The following LPP variants were observed in gnomAD, a reference collection of about 807,000 sequenced individuals.
LPP encodes the protein lipoma-preferred partner.
A neutral mutation model predicts 60.4 loss-of-function variants in LPP; 38 were observed. The ratio of observed to expected loss-of-function variants is 0.63; its 90% confidence interval spans 0.49 to 0.83. The LOEUF is 0.83. Among genes scored for constraint, LPP ranks in the 40% least tolerant of loss-of-function variants. The pLI is 0.00. For missense variants in LPP, 902 were observed against 783.6 expected (o/e 1.15, Z -1.80); for synonymous variants, 328 against 290.8 (o/e 1.13, Z -1.30).
intron 1 of LPP, among the ~76,000 whole-genome samples, chr3:188,165,789 G>C (rs1450697570): frequency 6.6e-6 from 1 of 152,166 alleles, no homozygotes; most frequent in Non-Finnish European, 1.5e-5. Context: ...AGATAGAATA[G>C]AAGTCACAGA....
intron 9 of LPP, among the ~76,000 whole-genome samples, chr3:188,839,337 T>C (rs1400020966): frequency 6.6e-6 from 1 of 152,200 alleles, no homozygotes; most frequent in Non-Finnish European, 1.5e-5. Flanking sequence ...TCTAGGTAGA[T>C]TTCAAGGCCC....
chr3:188,164,914 G>T (rs992672535), intron 1 of LPP, among the ~76,000 whole-genome samples: 1 of 152,030 alleles, frequency 6.6e-6, no homozygotes, highest in African/African-American at 2.4e-5. Flanking sequence ...CGTGAATGCA[G>T]TGTGGTCTCT....
chr3:188,302,776 A>C (rs1274005660), intron 2 of LPP, among the ~76,000 whole-genome samples: 2 of 152,344 alleles, frequency 1.3e-5, no homozygotes, highest in East Asian at 3.9e-4. Context: ...TTATCATCAC[A>C]AACAAGCCTG....
Position 188,484,638 on chromosome 3 carries a change from C to T in LPP, c.240C>T (p.Ala80=), listed in dbSNP as rs763431227. 2.5e-6 allele frequency: 4 copies of T among 1,613,936 alleles called. No homozygotes were observed. Among genetic ancestry groups the T allele is most frequent in the Admixed American group, 3.3e-5 (2 of 59,996 alleles). The change falls in exon 5 of 12, where the codon GCC becomes GCT. Residue 80 remains alanine, a synonymous_variant. Transcript: ENST00000617246. ...CTCCACCTCTAGATGATTCCAGTGC[C>T]CTTCCATCTATCTCTGGAAACTTTC... The part of the protein sequence containing the change: ...PPPPPLDDSS[A]LPSISGNFPP...
intron 1 of LPP, among the ~76,000 whole-genome samples, chr3:188,162,753 T>C (rs1026541663): frequency 2.6e-5 from 4 of 152,214 alleles, no homozygotes; most frequent in African/African-American, 7.2e-5. Context: ...TTGTCAGTGG[T>C]AATGCAGTCT....
At chr3:188,526,814 C>CA (rs1299662907) in intron 6 of LPP, among the ~76,000 whole-genome samples, 4 of 151,716 alleles carry the variant, frequency 2.6e-5, no homozygotes, top group Admixed American at 6.6e-5. Flanking sequence ...ACCGATGAGG[C>CA]AAAAAAGGTG....
chr3:188,615,773 A>G (rs962057358), intron 7 of LPP, among the ~76,000 whole-genome samples: 2 of 152,206 alleles, frequency 1.3e-5, no homozygotes, highest in Non-Finnish European at 2.9e-5. Context: ...AATAATAGCC[A>G]TTCTGACTGG....
intron 8 of LPP, among the ~76,000 whole-genome samples, chr3:188,749,781 A>G (rs1019167353): frequency 2.7e-4 from 41 of 152,186 alleles, no homozygotes; most frequent in African/African-American, 9.6e-4. Flanking sequence ...CTGCAAATTT[A>G]TTTTCAGTCT....
intron 2 of LPP, among the ~76,000 whole-genome samples, chr3:188,273,085 C>T (rs1005736698): frequency 5.9e-4 from 90 of 152,154 alleles, no homozygotes; most frequent in African/African-American, 2.1e-3. Context: ...GTCGTGTTTT[C>T]TGCCTTTCCA....
chr3:188,804,592 A>C (rs1748505660), intron 9 of LPP, among the ~76,000 whole-genome samples: 1 of 151,896 alleles, frequency 6.6e-6, no homozygotes, highest in Non-Finnish European at 1.5e-5. Flanking sequence ...AGAAATCTGC[A>C]CTTGTACCCC....
rs149544980 is a variant in LPP at position 188,610,979 on chromosome 3, C to T, written c.1113+1135C>T. Among the ~76,000 whole-genome samples the T allele has an allele frequency of 6.9e-3, 1,055 of 152,276 alleles. 5 individuals carry two copies. Among genetic ancestry groups the T allele is most frequent in the South Asian group, 0.014 (70 of 4,828 alleles). On this transcript the variant is annotated intron_variant, in intron 7 of 11. Coordinates refer to ENST00000617246, the MANE Select transcript of LPP (RefSeq NM_001375462.1). The surrounding 1 kb of genome is among the most constrained non-coding windows in gnomAD (Gnocchi z 4.4). ...TGGACTGTATTTTTAAAAATTCTTT[C>T]CACATTTTTACAAGATTGTCCATTT... is the stretch of plus-strand genomic sequence containing the variant.
chr3:188,534,626 A>G (rs922395475), intron 6 of LPP, among the ~76,000 whole-genome samples: 1 of 152,214 alleles, frequency 6.6e-6, no homozygotes, highest in East Asian at 1.9e-4. Flanking sequence ...TTAACTCAAG[A>G]TGACTAGATA....
rs369732212 is a variant in LPP at position 188,264,547 on chromosome 3, G to A, written c.-67+39020G>A. 8.5e-5 allele frequency among the ~76,000 whole-genome samples: 13 copies of A among 152,252 alleles called. 1 individual carries two copies. The highest frequency in any genetic ancestry group is 3.1e-4 in the African/African-American group (13 of 41,556). On this transcript the variant is annotated intron_variant, in intron 2 of 11. Transcript: ENST00000617246. ...TAGTTTTTCTTTTCCTCTTTAGGAG[G>A]TTGGAGCTGATTTTTAAAATGAGGT...
intron 1 of LPP, among the ~76,000 whole-genome samples, chr3:188,164,952 A>G (rs1396631932): frequency 1.3e-5 from 2 of 152,056 alleles, no homozygotes; most frequent in Non-Finnish European, 2.9e-5. Flanking sequence ...TAAATCATCA[A>G]GACAGTATGT....
chr3:188,366,260 G>A (rs966314614), intron 3 of LPP, among the ~76,000 whole-genome samples: 17 of 152,172 alleles, frequency 1.1e-4, no homozygotes, highest in African/African-American at 1.4e-4. Flanking sequence ...GTAATACACC[G>A]CATTTTCTTT....
intron 4 of LPP, among the ~76,000 whole-genome samples, chr3:188,481,861 G>A (rs542049656): frequency 9.2e-5 from 14 of 152,168 alleles, no homozygotes; most frequent in Non-Finnish European, 1.6e-4. Context: ...AGAATCTGAT[G>A]AAGTATAAGA....
chr3:188,331,977 T>C (rs941165679), intron 2 of LPP, among the ~76,000 whole-genome samples: 1 of 152,218 alleles, frequency 6.6e-6, no homozygotes, highest in Non-Finnish European at 1.5e-5. Context: ...GCTTGATCAA[T>C]TATTTCATCT....
intron 4 of LPP, among the ~76,000 whole-genome samples, chr3:188,442,768 A>T (rs149319772): frequency 2.7e-3 from 412 of 152,324 alleles, no homozygotes; most frequent in East Asian, 6.6e-3. Flanking sequence ...ATACATTTTC[A>T]ACGTAAGCCC....
At chr3:188,808,489 G>A (rs1042528711) in intron 9 of LPP, among the ~76,000 whole-genome samples, 3 of 151,866 alleles carry the variant, frequency 2.0e-5, no homozygotes, top group African/African-American at 7.3e-5. Flanking sequence ...AGTTATCACT[G>A]GTGCCCTAAG....
Sources: allele counts gnomAD v4.1 joint callset (sites outside exome capture counted in the v4.1 genomes callset), GRCh38; gene constraint gnomAD v4.1.1; non-coding constraint Gnocchi (gnomAD v3.1); transcripts MANE v1.5; gene names NCBI Gene and HGNC (gene_info 2026-07-23, HGNC 2026-07-21).